The following KIF26B variants were observed in gnomAD, a reference collection of about 807,000 sequenced individuals.
The protein encoded by KIF26B is kinesin-like protein KIF26B.
A neutral mutation model predicts 151.2 loss-of-function variants in KIF26B; 63 were observed. The observed-to-expected ratio is 0.42, with a 90% CI of 0.34 to 0.51. The LOEUF is 0.51. Ranked by LOEUF, KIF26B falls within the 20% of genes least tolerant of loss-of-function variation. The pLI is 0.07. For synonymous variants in KIF26B, 1,357 were observed against 1,262.1 expected (o/e 1.08, Z -1.59); for missense variants, 2,813 against 2,913.6 (o/e 0.97, Z 0.79).
chr1:245,549,116 TGTGTGTGCACGTGTGTGTGTGTAA>T (rs1404060658), intron 5 of KIF26B, among the ~76,000 whole-genome samples: 2 of 152,194 alleles, frequency 1.3e-5, no homozygotes, highest in Non-Finnish European at 2.9e-5. Context: ...GGCTTGTGTA[TGTGTGTGCACGTGTGTGTGTGTAA>T]GTGTGTAGGA....
chr1:245,612,018 G>A, intron 9 of KIF26B, 42 bp downstream of exon 9: 1 of 1,589,606 alleles, frequency 6.3e-7, no homozygotes, highest in Non-Finnish European at 8.6e-7. Context: ...TAGCGGCTCT[G>A]GCCCCAGCCA....
At chr1:245,174,847 A>G (rs576093349) in intron 2 of KIF26B, among the ~76,000 whole-genome samples, 4 of 152,244 alleles carry the variant, frequency 2.6e-5, no homozygotes, top group African/African-American at 9.6e-5. Flanking sequence ...GTGGGATTTC[A>G]GGGTTTATTG....
chr1:245,341,887 T>G (rs1672341165), intron 2 of KIF26B, among the ~76,000 whole-genome samples: 2 of 152,184 alleles, frequency 1.3e-5, no homozygotes, highest in Admixed American at 1.3e-4. Context: ...TGTCACTTGG[T>G]TCCCGTGGCA....
rs891444939 is a variant in KIF26B at position 245,166,123 on chromosome 1, T to C, written c.465+9440T>C. Reference sequence around the variant, plus strand: ...ATTCTCATCTCTACAGTGGGAGTCATGACAGAGCCCCACCAGGAGGATCGT... The same window carrying C: ...ATTCTCATCTCTACAGTGGGAGTCACGACAGAGCCCCACCAGGAGGATCGT... On this transcript the variant is annotated intron_variant, in intron 2 of 14. Transcript: ENST00000407071. The surrounding 1 kb of genome is among the most constrained non-coding windows in gnomAD (Gnocchi z 4.5). Among the ~76,000 whole-genome samples the C allele has an allele frequency of 2.0e-5, 3 of 152,224 alleles. No homozygotes were observed. Among genetic ancestry groups the C allele is most frequent in the Non-Finnish European group, 2.9e-5 (2 of 68,046 alleles).
At chr1:245,221,667 A>G (rs1669776894) in intron 2 of KIF26B, among the ~76,000 whole-genome samples, 1 of 152,214 alleles carries the variant, frequency 6.6e-6, no homozygotes, top group Non-Finnish European at 1.5e-5. Context: ...TCGGCCTCCC[A>G]AAGTGCTGGG....
chr1:245,158,210 ATTC>A (rs1341560780), intron 2 of KIF26B, among the ~76,000 whole-genome samples: 1 of 152,154 alleles, frequency 6.6e-6, no homozygotes, highest in African/African-American at 2.4e-5. Flanking sequence ...TTGAGGACCT[ATTC>A]TTATAATAGG....
chr1:245,269,742 C>T (rs942892778), intron 2 of KIF26B, among the ~76,000 whole-genome samples: 2 of 152,026 alleles, frequency 1.3e-5, no homozygotes, highest in African/African-American at 2.4e-5. Flanking sequence ...GGATTACAAG[C>T]GTGAGCCACC....
chr1:245,617,270 TG>T (rs1477207642), intron 9 of KIF26B, among the ~76,000 whole-genome samples: 7 of 152,148 alleles, frequency 4.6e-5, no homozygotes, highest in Non-Finnish European at 8.8e-5. Context: ...CTAATTTTTG[TG>T]TTTTTTAGTA....
chr1:245,254,337 A>G (rs941543004), intron 2 of KIF26B, among the ~76,000 whole-genome samples: 1 of 152,256 alleles, frequency 6.6e-6, no homozygotes, highest in African/African-American at 2.4e-5. Flanking sequence ...CGTACCCAGA[A>G]CTACTCAGGC....
intron 2 of KIF26B, among the ~76,000 whole-genome samples, chr1:245,253,629 T>A (rs935685251): frequency 6.6e-5 from 10 of 152,048 alleles, no homozygotes. Flanking sequence ...TGGTAGGATT[T>A]GTCTCTAAAG....
chr1:245,313,494 G>A (rs941088329), intron 2 of KIF26B, among the ~76,000 whole-genome samples: 28 of 152,216 alleles, frequency 1.8e-4, no homozygotes, highest in African/African-American at 6.3e-4. Context: ...ATGCACGGGC[G>A]GTTGTGAAAC....
At chr1:245,444,280 T>C (rs1659197845) in intron 4 of KIF26B, among the ~76,000 whole-genome samples, 1 of 152,206 alleles carries the variant, frequency 6.6e-6, no homozygotes, top group South Asian at 2.1e-4. Flanking sequence ...TCCCAGGCCT[T>C]TTCAGCGGCC....
chr1:245,676,216 T>G (rs929565288), intron 10 of KIF26B: 2 of 152,230 alleles, frequency 1.3e-5, no homozygotes, highest in African/African-American at 4.8e-5. Context: ...CTGAGTGCCA[T>G]GGCCTTGGCA....
chr1:245,370,848 A>G (rs956038792), intron 3 of KIF26B, among the ~76,000 whole-genome samples: 1 of 152,230 alleles, frequency 6.6e-6, no homozygotes, highest in Non-Finnish European at 1.5e-5. Flanking sequence ...CTGTACAAGT[A>G]TTTATTAATC....
rs1440748072 is a variant in KIF26B at position 245,516,082 on chromosome 1, TC to T, written c.1167-24681del. On this transcript the variant is annotated intron_variant, in intron 4 of 14. Transcript: ENST00000407071. This position sits in a 1 kb window ranked among gnomAD's most constrained non-coding sequence, Gnocchi z 4.2. Reference sequence around the variant, plus strand: ...GAGTATTTGGATTCTATTCTGCTTCTCCCCTGAGTTTGTTTTCACGGTGGGA... The same window carrying T: ...GAGTATTTGGATTCTATTCTGCTTCTCCCTGAGTTTGTTTTCACGGTGGGA... Among the ~76,000 whole-genome samples, 2 of 151,962 alleles carry T rather than the reference TC, an allele frequency of 1.3e-5. No individual in the cohort carries two copies. Among genetic ancestry groups the T allele is most frequent in the Non-Finnish European group, 2.9e-5 (2 of 67,966 alleles).
At position 245,577,884 on chromosome 1, in the gene KIF26B, C is replaced by G. The variant is rs191545478; in HGVS notation, c.1351-24693C>G. 2.0e-4 allele frequency among the ~76,000 whole-genome samples: 31 copies of G among 151,796 alleles called. No individual in the cohort carries two copies. The East Asian group carries it at 5.9e-3, about 29-fold the overall frequency. On this transcript the variant is annotated intron_variant, in intron 5 of 14. Coordinates refer to ENST00000407071, the MANE Select transcript of KIF26B (RefSeq NM_018012.4). ...GCGATGCATCCCCTCACCGGAAGAG[C>G]TTTGTGGAACTCCGGGCGATGCTTC...
chr1:245,181,535 A>C (rs892707181), intron 2 of KIF26B, among the ~76,000 whole-genome samples: 29 of 152,020 alleles, frequency 1.9e-4, no homozygotes, highest in Non-Finnish European at 5.9e-5. Context: ...AAGCCAAAAA[A>C]AAAAATTCTT....
Position 245,443,203 on chromosome 1 carries a change from T to G in KIF26B, c.1166+23458T>G, listed in dbSNP as rs368003860. Among the ~76,000 whole-genome samples, 94 of 137,876 alleles carry G rather than the reference T, an allele frequency of 6.8e-4. 1 individual carries two copies. The highest frequency in any genetic ancestry group is 9.3e-4 in the Non-Finnish European group (59 of 63,486). The allele number at this position is 137,876 out of a possible 152,430, so 90.5% of individuals were successfully genotyped here. On this transcript the variant is annotated intron_variant, in intron 4 of 14. Transcript: ENST00000407071. ...ATCTCCCTCACTGTTCACCTAGAGCTGTCATCTCCCTCACTGTTCACCTAC... is the reference window on the plus strand; with the variant it reads ...ATCTCCCTCACTGTTCACCTAGAGCGGTCATCTCCCTCACTGTTCACCTAC...
chr1:245,434,667 G>A (rs1017029796), intron 4 of KIF26B, among the ~76,000 whole-genome samples: 1 of 152,150 alleles, frequency 6.6e-6, no homozygotes, highest in African/African-American at 2.4e-5. Context: ...AGCAGGCCCA[G>A]GTAAGACTGG....
Sources: gnomAD v4.1 joint callset for allele counts (sites outside exome capture counted in the v4.1 genomes callset) on GRCh38, gnomAD v4.1.1 for gene constraint, Gnocchi (gnomAD v3.1) non-coding constraint, MANE v1.5 for transcripts, NCBI Gene and HGNC (gene_info 2026-07-23, HGNC 2026-07-21) for gene names.